Variants in DNAH7 observed in about 807,000 individuals in gnomAD.
The protein encoded by DNAH7 is axonemal beta dynein heavy chain 7.
In DNAH7, 397 loss-of-function variants were observed where a neutral mutation model predicts 444.6. The ratio of observed to expected loss-of-function variants is 0.89; its 90% CI spans 0.82 to 0.97. The LOEUF (loss-of-function observed/expected upper bound fraction) is 0.97. DNAH7 is among the 50% of genes least tolerant of loss of function. The pLI, the probability that DNAH7 is intolerant of heterozygous loss-of-function variation, is 0.00. For synonymous variants in DNAH7, 1,636 were observed against 1,624.4 expected (o/e 1.01, Z -0.17); for missense variants, 4,902 against 4,800.8 (o/e 1.02, Z -0.62).
intron 36 of DNAH7, among the ~76,000 whole-genome samples, chr2:195,880,511 G>A (rs934624532): frequency 6.7e-6 from 1 of 149,942 alleles, no homozygotes; most frequent in Non-Finnish European, 1.5e-5. Context: ...TTGTTTGCTT[G>A]TTTTTGTATT....
chr2:195,888,844 AT>A lies in DNAH7; in HGVS notation c.5183del (p.Asn1728IlefsTer2). 6.2e-7 allele frequency: 1 copy of A among 1,613,414 alleles called. No homozygotes were observed. ...CTAAATCCATTGGCTCAAAAATTAG[AT>A]TCATTTGTGGTGACATCTGAATAAT... is the stretch of plus-strand genomic sequence containing the variant. Reference protein sequence around the residue: ...GEIIQMSPQMNLIFEPMDLEV... With the variant: ...GEIIQMSPQMXLIFEPMDLEV... On this transcript the variant is annotated frameshift_variant, in exon 32 of 65. Coordinates refer to ENST00000312428, the MANE Select transcript of DNAH7 (RefSeq NM_018897.3). LOFTEE classifies it high-confidence loss of function.
At position 195,864,854 on chromosome 2, in the gene DNAH7, GCTGCGTAAGTCAT is replaced by G. The variant is rs1559160464; in HGVS notation, c.6788_6800del (p.Asp2263AlafsTer2). 3.1e-6 allele frequency: 5 copies of G among 1,613,980 alleles called. No individual in the cohort carries two copies. In the South Asian group the frequency reaches 5.5e-5, roughly 18 times the overall value. ...GATCATGGAAATCACAAAACATTAA[GCTGCGTAAGTCAT>G]CTGCTTCCACCATGCCATCATTATC... On this transcript the variant is annotated frameshift_variant, in exon 41 of 65. Transcript: ENST00000312428. LOFTEE classifies it high-confidence loss of function.
intron 61 of DNAH7, among the ~76,000 whole-genome samples, chr2:195,763,073 C>T (rs1694421319): frequency 6.6e-6 from 1 of 152,020 alleles, no homozygotes; most frequent in East Asian, 1.9e-4. Flanking sequence ...GGAAACTATA[C>T]AAATACATGG....
At chr2:195,990,717 T>C (rs889341995) in intron 12 of DNAH7, among the ~76,000 whole-genome samples, 3 of 150,936 alleles carry the variant, frequency 2.0e-5, no homozygotes, top group Non-Finnish European at 3.0e-5. Context: ...TGCCATTCCA[T>C]TGGTCTATGT....
Position 195,972,466 on chromosome 2 carries a change from C to T in DNAH7, c.1834G>A (p.Ala612Thr), listed in dbSNP as rs747344178. ...PNTAELMEMK[A>T]YIQKVEVTDM... Reference sequence around the variant, plus strand: ...GTTACCTCCACTTTCTGAATGTAAGCCTGAGGGAAAACAAAAATTACAGGT... The same window carrying T: ...GTTACCTCCACTTTCTGAATGTAAGTCTGAGGGAAAACAAAAATTACAGGT... Residue 612 changes from alanine to threonine, a missense_variant and splice_region_variant, in exon 16 of 65, where the codon GCT becomes ACT. Physicochemically the swap from Ala to Thr is moderately conservative, Grantham distance 58. Transcript: ENST00000312428. 7 of 1,612,736 alleles carry T rather than the reference C, an allele frequency of 4.3e-6. No homozygotes were observed. The South Asian group carries it at 6.6e-5, about 15-fold the overall frequency.
chr2:195,819,755 A>G (rs1327015830), intron 49 of DNAH7, among the ~76,000 whole-genome samples: 1 of 152,186 alleles, frequency 6.6e-6, no homozygotes, highest in Non-Finnish European at 1.5e-5. Context: ...CTAAAACTTA[A>G]GCGTGATCAG....
In DNAH7 at chr2:195,817,684, G is replaced by T. The variant is rs905266324; in HGVS notation, c.9425+12C>A. The T allele has an allele frequency of 9.4e-6, 15 of 1,594,826 alleles. No homozygotes were observed. The highest frequency in any genetic ancestry group is 1.3e-5 in the Non-Finnish European group (15 of 1,174,524). On this transcript the variant is annotated intron_variant, in intron 50 of 64. Coordinates refer to ENST00000312428, the MANE Select transcript of DNAH7 (RefSeq NM_018897.3). ...AACAAATAAGAATAGTTCTGTTTATGACATTTAAAACCTTTTATTTTCAGC... is the reference window on the plus strand; with the variant it reads ...AACAAATAAGAATAGTTCTGTTTATTACATTTAAAACCTTTTATTTTCAGC...
chr2:196,068,715 T>C lies in DNAH7; in HGVS notation c.-4A>G, dbSNP rs1698571980. The C allele has an allele frequency of 6.4e-7, 1 of 1,551,482 alleles. No homozygotes were observed. ...CTCTCACCTGCTCACTGCTCATGGC[T>C]GCGAGGACGCGCTGGCCTCACCGGT... On this transcript the variant is annotated 5_prime_UTR_variant, in exon 1 of 65. Coordinates refer to ENST00000312428, the MANE Select transcript of DNAH7 (RefSeq NM_018897.3).
intron 51 of DNAH7, among the ~76,000 whole-genome samples, chr2:195,811,907 G>A (rs970813192): frequency 2.0e-5 from 3 of 152,096 alleles, no homozygotes; most frequent in African/African-American, 7.2e-5. Context: ...TCCTGGGCAT[G>A]GGCGAAGCTA....
At chr2:195,866,635 A>G (rs1388802662) in intron 40 of DNAH7, among the ~76,000 whole-genome samples, 1 of 152,268 alleles carries the variant, frequency 6.6e-6, no homozygotes, top group Non-Finnish European at 1.5e-5. Flanking sequence ...ACACATCTGC[A>G]TTAAAATCAT....
chr2:195,883,706 A>G (rs998316646), intron 35 of DNAH7, among the ~76,000 whole-genome samples: 4 of 152,278 alleles, frequency 2.6e-5, no homozygotes, highest in African/African-American at 9.6e-5. Flanking sequence ...TAAAGTAAAA[A>G]TATCTGTGTT....
chr2:195,849,021 G>A (rs990615965), intron 46 of DNAH7, among the ~76,000 whole-genome samples: 3 of 152,024 alleles, frequency 2.0e-5, no homozygotes, highest in East Asian at 1.9e-4. Context: ...AGCATTCTGC[G>A]GGGAGATACT....
chr2:196,019,165 C>T lies in DNAH7; in HGVS notation c.869+5G>A. ...AAAAACCTCTATAAGGCCACATATA[C>T]TCACTTAAAATTAGTGTGCCACAAA... On this transcript the variant is annotated splice_donor_5th_base_variant and intron_variant, in intron 9 of 64. Transcript: ENST00000312428. 6.8e-7 allele frequency: 1 copy of T among 1,464,522 alleles called. No individual in the cohort carries two copies. Among genetic ancestry groups the T allele is most frequent in the Middle Eastern group, 1.8e-4 (1 of 5,468 alleles). The allele number at this position is 1,464,522 out of a possible 1,614,324, so 90.7% of individuals were successfully genotyped here.
intron 64 of DNAH7, among the ~76,000 whole-genome samples, chr2:195,739,465 T>G (rs115504327): frequency 1.3e-5 from 2 of 152,234 alleles, no homozygotes; most frequent in Non-Finnish European, 2.9e-5. Flanking sequence ...GCTATTTTCT[T>G]AAGCCATTTT....
chr2:195,760,038 A>G (rs986285002), intron 61 of DNAH7, among the ~76,000 whole-genome samples: 9 of 152,148 alleles, frequency 5.9e-5, no homozygotes, highest in African/African-American at 2.2e-4. Context: ...TAGCTATTAA[A>G]TCACAGACTA....
chr2:195,990,659 G>GA (rs200851943), intron 12 of DNAH7, among the ~76,000 whole-genome samples: 4,330 of 149,156 alleles, frequency 0.029, 102 homozygotes, highest in East Asian at 0.092. Context: ...ACCCTGTCTC[G>GA]AAAAAAAAAG....
At chr2:195,897,548 T>C in intron 29 of DNAH7, 119 bp downstream of exon 29, 1 of 459,202 alleles carries the variant, frequency 2.2e-6, no homozygotes. Context: ...AATATGGAAT[T>C]ATCTATGTTT....
intron 38 of DNAH7, 136 bp downstream of exon 38, chr2:195,875,539 T>C: frequency 1.3e-6 from 1 of 789,406 alleles, no homozygotes; most frequent in Non-Finnish European, 1.9e-6. Flanking sequence ...TACACTCTGT[T>C]AGGTCACAAT....
intron 49 of DNAH7, among the ~76,000 whole-genome samples, chr2:195,820,053 C>T (rs1428097505): frequency 6.6e-6 from 1 of 152,138 alleles, no homozygotes; most frequent in Non-Finnish European, 1.5e-5. Flanking sequence ...ATCTATTCTA[C>T]CACTGGAGAG....
Sources: allele counts gnomAD v4.1 joint callset (sites outside exome capture counted in the v4.1 genomes callset), GRCh38; gene constraint gnomAD v4.1.1; transcripts MANE v1.5; gene names NCBI Gene and HGNC (gene_info 2026-07-23, HGNC 2026-07-21).